The following PYHIN1 variants were observed in gnomAD, a reference collection of about 807,000 sequenced individuals.
The protein encoded by PYHIN1 is pyrin and HIN domain-containing protein 1.
Under a neutral mutation model 43.7 loss-of-function variants are expected in PYHIN1, and 32 were observed. The observed-to-expected ratio is 0.73, with a 90% confidence interval of 0.55 to 0.98. PYHIN1 has a LOEUF of 0.98. PYHIN1 is among the 50% of genes least tolerant of loss of function. The pLI is 0.00. For missense variants in PYHIN1, 588 were observed against 589.5 expected (o/e 1.00, Z 0.03); for synonymous variants, 205 against 203.1 (o/e 1.01, Z -0.08).
At chr1:158,974,396 C>T (rs551855064) in intron 8 of PYHIN1, among the ~76,000 whole-genome samples, 379 of 152,188 alleles carry the variant, frequency 2.5e-3, no homozygotes, top group Middle Eastern at 6.8e-3. Context: ...TTTTCAACCA[C>T]ACTTGATAAT....
chr1:158,963,020 A>G (rs944871133), intron 7 of PYHIN1, among the ~76,000 whole-genome samples: 28 of 152,080 alleles, frequency 1.8e-4, no homozygotes, highest in Middle Eastern at 6.8e-3. Context: ...CCTCCTCCCT[A>G]TGAATCCTCA....
chr1:158,973,514 C>CAT, intron 7 of PYHIN1, 133 bp from the exon 8 acceptor site: 1 of 782,838 alleles, frequency 1.3e-6, no homozygotes, highest in Non-Finnish European at 2.0e-6. Flanking sequence ...TTCACACACA[C>CAT]ACACACACAC....
rs1011865950 is a variant in PYHIN1, at chr1:158,933,457, T to G, written c.-21+1681T>G. On this transcript the variant is annotated intron_variant, in intron 1 of 8. Coordinates refer to ENST00000368140, the MANE Select transcript of PYHIN1 (RefSeq NM_152501.5). This position sits in a 1 kb window ranked among gnomAD's most constrained non-coding sequence, Gnocchi z 6.3. ...TTGTCTTAAGATCTTTTAAAAATGA[T>G]TCTAGCATAGATAAGCTGGCTTTCT... Among the ~76,000 whole-genome samples the G allele has an allele frequency of 6.6e-6, 1 of 151,904 alleles. No individual in the cohort carries two copies. Among genetic ancestry groups the G allele is most frequent in the Admixed American group, 6.6e-5 (1 of 15,252 alleles).
At chr1:158,983,618 G>T in the PYHIN1 span, among the ~76,000 whole-genome samples, 1 of 151,960 alleles carries the variant, frequency 6.6e-6, no homozygotes, top group South Asian at 2.1e-4. Context: ...TTGTGTTTCT[G>T]TCAGGTTTTG....
At chr1:158,986,884 C>G in the PYHIN1 span, among the ~76,000 whole-genome samples, 4 of 152,164 alleles carry the variant, frequency 2.6e-5, no homozygotes, top group African/African-American at 9.7e-5. Flanking sequence ...TATGGGATCT[C>G]CTACAGCTAG....
intron 1 of PYHIN1, among the ~76,000 whole-genome samples, chr1:158,932,283 G>T (rs749921552): frequency 6.6e-6 from 1 of 151,978 alleles, no homozygotes; most frequent in East Asian, 1.9e-4. Context: ...AGATGGGAAC[G>T]GTAGACGCTG....
chr1:158,982,893 G>A, the PYHIN1 span, among the ~76,000 whole-genome samples: 1 of 151,390 alleles, frequency 6.6e-6, no homozygotes, highest in East Asian at 1.9e-4. Context: ...TTTATTCTTT[G>A]TGTGGCTATT....
chr1:158,938,366 G>C (rs1168177434), intron 2 of PYHIN1, 31 bp from the exon 3 acceptor site: 1 of 1,613,048 alleles, frequency 6.2e-7, no homozygotes, highest in Non-Finnish European at 8.5e-7. Flanking sequence ...ATCTGCTCTG[G>C]GTTTATACAT....
chr1:158,979,317 A>T (rs1193958765), downstream of PYHIN1, among the ~76,000 whole-genome samples: 2 of 152,136 alleles, frequency 1.3e-5, no homozygotes, highest in Non-Finnish European at 2.9e-5. Context: ...CCCTTCCTCC[A>T]GCCCCAGCTA....
intron 7 of PYHIN1, among the ~76,000 whole-genome samples, chr1:158,972,932 A>G (rs1651017982): frequency 6.6e-6 from 1 of 152,110 alleles, no homozygotes; most frequent in African/African-American, 2.4e-5. Context: ...GGTAAGTAAA[A>G]ACAAAGGTCC....
In PYHIN1 at chr1:158,942,294, G is replaced by A. The variant is rs146874992; in HGVS notation, c.897G>A (p.Glu299=). The A allele has an allele frequency of 6.5e-4, 1,056 of 1,613,994 alleles. 18 individuals are homozygous for A. In the South Asian group the frequency reaches 0.01, roughly 15 times the overall value. ...AAGCTGGTCCTGACCAAACGTTTGA[G>A]GTTCCAAAGGACATCATCAGAAGAG... ...VSEAGPDQTF[E]VPKDIIRRAK... is the part of the protein sequence containing the mutation. Residue 299 remains glutamate, a synonymous_variant, in exon 5 of 9, where the codon GAG becomes GAA. Transcript: ENST00000368140.
At chr1:158,951,386 G>A (rs1025568316) in intron 7 of PYHIN1, among the ~76,000 whole-genome samples, 1 of 152,116 alleles carries the variant, frequency 6.6e-6, no homozygotes. Flanking sequence ...CATACAGGGC[G>A]GGCTCCAGAG....
chr1:158,964,009 T>C (rs1013264955), intron 7 of PYHIN1, among the ~76,000 whole-genome samples: 2 of 152,064 alleles, frequency 1.3e-5, no homozygotes, highest in African/African-American at 4.8e-5. Flanking sequence ...ATACAGGAGC[T>C]GATAGAAAAA....
chr1:158,976,567 T>G, intron 8 of PYHIN1, 134 bp from the exon 9 acceptor site: 1 of 603,950 alleles, frequency 1.7e-6, no homozygotes, highest in Non-Finnish European at 2.9e-6. Flanking sequence ...TAGATGAGAA[T>G]GAGAAAAGAG....
chr1:158,938,344 G>A, intron 2 of PYHIN1, 53 bp from the exon 3 acceptor site: 1 of 1,593,920 alleles, frequency 6.3e-7, no homozygotes, highest in Non-Finnish European at 8.6e-7. Context: ...ACTGCTTCGG[G>A]TGTCCCCGAT....
intron 7 of PYHIN1, among the ~76,000 whole-genome samples, chr1:158,948,845 C>A (rs537581778): frequency 5.3e-4 from 80 of 152,262 alleles, no homozygotes; most frequent in Non-Finnish European, 1.0e-3. Flanking sequence ...TCCTTAATAT[C>A]ATAACACTAG....
At chr1:158,937,518 ATG>A (rs1467511640) in intron 2 of PYHIN1, among the ~76,000 whole-genome samples, 2 of 152,210 alleles carry the variant, frequency 1.3e-5, no homozygotes, top group East Asian at 3.8e-4. Flanking sequence ...TAGTCAATTA[ATG>A]TGTTCATTCT....
the PYHIN1 span, among the ~76,000 whole-genome samples, chr1:158,982,137 A>G: frequency 6.6e-6 from 1 of 152,114 alleles, no homozygotes; most frequent in South Asian, 2.1e-4. Flanking sequence ...AAGATCTTTA[A>G]TTAGATCTCA....
intron 7 of PYHIN1, among the ~76,000 whole-genome samples, chr1:158,953,995 G>A (rs1649759800): frequency 8.3e-6 from 1 of 120,030 alleles, no homozygotes; most frequent in African/African-American, 3.3e-5. Context: ...GGAAGAAAGG[G>A]TATCAGCAAT....
Sources: gnomAD v4.1 joint callset for allele counts (sites outside exome capture counted in the v4.1 genomes callset) on GRCh38, gnomAD v4.1.1 for gene constraint, Gnocchi (gnomAD v3.1) non-coding constraint, MANE v1.5 for transcripts, NCBI Gene and HGNC (gene_info 2026-07-23, HGNC 2026-07-21) for gene names.